The following E2F7 variants were observed in gnomAD, a reference collection of about 807,000 sequenced individuals.
E2F7 encodes the protein E2F transcription factor 7.
E2F7 carries 35 observed loss-of-function variants against 81.1 expected under a neutral mutation model. The observed-to-expected ratio is 0.43, with a 90% CI of 0.33 to 0.57. E2F7 has a LOEUF of 0.57. E2F7 is among the 20% of genes least tolerant of loss of function. The pLI is 0.04. For missense variants in E2F7, 961 were observed against 1,093.7 expected (o/e 0.88, Z 1.71); for synonymous variants, 416 against 416.2 (o/e 1.00, Z 0.01).
At chr12:77,045,332 G>T (rs1323263136) in intron 5 of E2F7, among the ~76,000 whole-genome samples, 2 of 152,126 alleles carry the variant, frequency 1.3e-5, no homozygotes, top group East Asian at 3.8e-4. Context: ...GTGCTCCTGT[G>T]GATGGCAGGC....
chr12:77,031,199 G>T (rs1350866740), intron 9 of E2F7, among the ~76,000 whole-genome samples: 1 of 151,476 alleles, frequency 6.6e-6, no homozygotes, highest in Admixed American at 6.6e-5. Flanking sequence ...CTCCAGCCTG[G>T]GTGACCCTGT....
intron 2 of E2F7, among the ~76,000 whole-genome samples, chr12:77,062,504 C>G (rs592245): frequency 6.6e-6 from 1 of 152,176 alleles, no homozygotes; most frequent in Admixed American, 6.5e-5. Flanking sequence ...GTTCTCATCT[C>G]TTGCCTTCTA....
chr12:77,031,356 G>A (rs1954805849), intron 9 of E2F7, among the ~76,000 whole-genome samples: 1 of 152,222 alleles, frequency 6.6e-6, no homozygotes, highest in Non-Finnish European at 1.5e-5. Context: ...AATAGGAACA[G>A]AGGGCCAGGC....
At chr12:77,052,508 GC>G (rs1954998453) in intron 3 of E2F7, among the ~76,000 whole-genome samples, 1 of 152,116 alleles carries the variant, frequency 6.6e-6, no homozygotes, top group Admixed American at 6.6e-5. Context: ...GTATAGAAAA[GC>G]AAAGTTGTAT....
chr12:77,024,169 G>A lies in E2F7; in HGVS notation c.2582C>T (p.Thr861Ile). ...VKLHQSPVPV[T>I]PKSIQRTHRE... ...ATGTGTGCGTTGGATGCTCTTGGGG[G>A]TCACTGGAACTGGTGACTGAAAAAA... The change falls in exon 13 of 13, where the codon ACC becomes ATC. Residue 861 changes from threonine to isoleucine, a missense_variant. Physicochemically the swap from Thr to Ile is moderately conservative, Grantham distance 89 (BLOSUM62 -1). Transcript: ENST00000322886. 1 of 1,613,624 alleles carries A rather than the reference G, an allele frequency of 6.2e-7. No homozygotes were observed. Among genetic ancestry groups the A allele is most frequent in the Non-Finnish European group, 8.5e-7 (1 of 1,179,906 alleles).
Position 77,029,892 on chromosome 12 carries a change from G to A in E2F7, c.1823C>T (p.Pro608Leu). ...TTCCCTACTTTGCCTTTTAGTGGCT[G>A]GCTCATCCTCCTCCTGAGGTTTCCT... ...EERKPQEEDE[P>L]ATKRQSREYE... The change falls in exon 10 of 13, where the codon CCA becomes CTA. Residue 608 changes from proline (P) to leucine (L), a missense_variant. Physicochemically the swap from Pro to Leu is moderately conservative, Grantham distance 98. Coordinates refer to ENST00000322886, the MANE Select transcript of E2F7 (RefSeq NM_203394.3). The A allele has an allele frequency of 6.2e-7, 1 of 1,614,202 alleles. No individual in the cohort carries two copies. Among genetic ancestry groups the A allele is most frequent in the Non-Finnish European group, 8.5e-7 (1 of 1,180,036 alleles).
chr12:77,033,727 G>C, intron 8 of E2F7, 130 bp downstream of exon 8: 1 of 861,974 alleles, frequency 1.2e-6, no homozygotes, highest in Non-Finnish European at 1.7e-6. Flanking sequence ...GTAAAAAGTA[G>C]ACCACTGGAA....
chr12:77,050,620 G>T lies in E2F7; in HGVS notation c.494C>A (p.Thr165Asn), dbSNP rs148903382. The T allele has an allele frequency of 6.4e-5, 104 of 1,613,940 alleles. No homozygotes were observed. Among genetic ancestry groups the T allele is most frequent in the Middle Eastern group, 3.3e-4 (2 of 6,084 alleles). Residue 165 changes from threonine (T) to asparagine (N), a missense_variant, in exon 4 of 13, where the codon ACT becomes AAT. Physicochemically the swap from Thr to Asn is moderately conservative, Grantham distance 65. This residue lies in a region of E2F7 where 301 missense variants were observed against 405.0 expected (regional missense o/e 0.74). Transcript: ENST00000322886. ...ATCTAGGGAGATGGTAGTTTTCTCA[G>T]TTGACAAGGGATAACTTGGATAGCG... The part of the protein sequence containing the change: ...LARYPSYPLS[T>N]EKTTISLDEV...
rs1414947527 is a variant in E2F7, at chr12:77,030,277, C to T, written c.1438G>A (p.Val480Ile). ...ACAGAGAGGACAGGGAAAGGAGCAACAGGGTCCAAGCTGCTTGATGGAGGC... is the reference window on the plus strand; with the variant it reads ...ACAGAGAGGACAGGGAAAGGAGCAATAGGGTCCAAGCTGCTTGATGGAGGC... ...VVPPSSSLDP[V>I]APFPVLSVDP... The change falls in exon 10 of 13, where the codon GTT becomes ATT. Residue 480 changes from valine to isoleucine, a missense_variant. Coordinates refer to ENST00000322886, the MANE Select transcript of E2F7 (RefSeq NM_203394.3). 2 of 1,602,356 alleles carry T rather than the reference C, an allele frequency of 1.2e-6. No individual in the cohort carries two copies. Among genetic ancestry groups the T allele is most frequent in the African/African-American group, 2.7e-5 (2 of 74,780 alleles).
chr12:77,033,166 A>T, intron 8 of E2F7, 44 bp from the exon 9 acceptor site: 1 of 1,518,972 alleles, frequency 6.6e-7, no homozygotes, highest in Non-Finnish European at 9.1e-7. Flanking sequence ...CAAGAGACTT[A>T]TACATACCAA....
intron 2 of E2F7, among the ~76,000 whole-genome samples, chr12:77,056,668 A>G (rs1955035564): frequency 6.6e-6 from 1 of 152,230 alleles, no homozygotes; most frequent in South Asian, 2.1e-4. Context: ...CAAACTACCC[A>G]TGGTAAAGGA....
At chr12:77,051,860 G>A (rs1954991998) in intron 3 of E2F7, among the ~76,000 whole-genome samples, 1 of 152,180 alleles carries the variant, frequency 6.6e-6, no homozygotes, top group Non-Finnish European at 1.5e-5. Flanking sequence ...GGACTGGAAA[G>A]TAATCAGCTA....
At chr12:77,033,231 C>T in intron 8 of E2F7, 109 bp from the exon 9 acceptor site, 1 of 985,858 alleles carries the variant, frequency 1.0e-6, no homozygotes, top group Non-Finnish European at 1.5e-6. Context: ...TCAAAGATTA[C>T]TCAAATCTGT....
chr12:77,054,353 T>C (rs1394990498), intron 3 of E2F7, among the ~76,000 whole-genome samples: 1 of 152,056 alleles, frequency 6.6e-6, no homozygotes, highest in Non-Finnish European at 1.5e-5. Context: ...AAATCAATTG[T>C]ATTTGTATAT....
chr12:77,042,121 G>A (rs1321016612), intron 7 of E2F7, among the ~76,000 whole-genome samples: 2 of 152,186 alleles, frequency 1.3e-5, no homozygotes, highest in African/African-American at 2.4e-5. Context: ...AGAAATCAGA[G>A]GCAGAAAGGA....
At chr12:77,045,771 A>C in intron 5 of E2F7, 1 of 424,992 alleles carries the variant, frequency 2.4e-6, no homozygotes, top group Non-Finnish European at 4.2e-6. Context: ...TGGGGCTGCC[A>C]ATCTAAAAAT....
chr12:77,031,348 T>C (rs966486954), intron 9 of E2F7, among the ~76,000 whole-genome samples: 10 of 152,178 alleles, frequency 6.6e-5, no homozygotes, highest in Admixed American at 2.0e-4. Flanking sequence ...CTTTAAGAAA[T>C]AGGAACAGAG....
chr12:77,052,092 CA>C (rs1375343217), intron 3 of E2F7, among the ~76,000 whole-genome samples: 2 of 152,068 alleles, frequency 1.3e-5, no homozygotes, highest in Non-Finnish European at 2.9e-5. Flanking sequence ...ATAAATCTAG[CA>C]AAAATCTATT....
chr12:77,050,542 G>C (rs777413492), intron 4 of E2F7, 34 bp downstream of exon 4: 19 of 1,605,278 alleles, frequency 1.2e-5, no homozygotes, highest in Non-Finnish European at 1.5e-5. Context: ...ACTGTAACTG[G>C]AGACAGACCT....
Sources: allele counts gnomAD v4.1 joint callset (sites outside exome capture counted in the v4.1 genomes callset), GRCh38; gene constraint gnomAD v4.1.1; regional missense constraint gnomAD v4.1.1; transcripts MANE v1.5; gene names NCBI Gene and HGNC (gene_info 2026-07-23, HGNC 2026-07-21).